Variants in BTBD9 observed in about 807,000 individuals in gnomAD.
The protein encoded by BTBD9 is BTB domain containing 9, also known as BTB/POZ domain-containing protein 9.
A neutral mutation model predicts 64.3 loss-of-function variants in BTBD9; 49 were observed. The ratio of observed to expected loss-of-function variants is 0.76; its 90% confidence interval spans 0.61 to 0.97. The LOEUF (loss-of-function observed/expected upper bound fraction) is 0.97, where lower values mean the gene tolerates loss of function less well. Among genes scored for constraint, BTBD9 ranks in the 50% least tolerant of loss-of-function variants. The probability of loss-of-function intolerance (pLI) is 0.00; values close to 1 mark genes in which losing one functional copy is unlikely to be tolerated. For synonymous variants in BTBD9, 260 were observed against 274.7 expected (o/e 0.95, Z 0.53); for missense variants, 598 against 762.1 (o/e 0.78, Z 2.53).
intron 6 of BTBD9, among the ~76,000 whole-genome samples, chr6:38,519,460 A>G (rs557525614): frequency 1.3e-5 from 2 of 152,366 alleles, no homozygotes; most frequent in South Asian, 4.1e-4. Flanking sequence ...GCTGATAGAT[A>G]TGTGACACAG....
At chr6:38,459,958 T>C (rs756048099) in intron 6 of BTBD9, among the ~76,000 whole-genome samples, 4 of 152,222 alleles carry the variant, frequency 2.6e-5, no homozygotes, top group Admixed American at 1.3e-4. Context: ...AGTTTTAGCT[T>C]TGTATTATTT....
intron 7 of BTBD9, among the ~76,000 whole-genome samples, chr6:38,325,005 G>C (rs1307590716): frequency 6.6e-6 from 1 of 152,120 alleles, no homozygotes; most frequent in Non-Finnish European, 1.5e-5. Context: ...AAATTGCTTA[G>C]AACAGTGATG....
At chr6:38,391,789 G>A (rs559869400) in intron 6 of BTBD9, among the ~76,000 whole-genome samples, 98 of 152,266 alleles carry the variant, frequency 6.4e-4, no homozygotes, top group African/African-American at 1.8e-3. Context: ...GAAGTAAAGC[G>A]AAAAGGCAGG....
chr6:38,341,080 C>A (rs535564326), intron 7 of BTBD9, among the ~76,000 whole-genome samples: 1 of 152,128 alleles, frequency 6.6e-6, no homozygotes, highest in South Asian at 2.1e-4. Flanking sequence ...GAAAAACAGA[C>A]AAAGATAGAC....
intron 8 of BTBD9, among the ~76,000 whole-genome samples, chr6:38,266,636 AAGAAAGAAAGAAAGAAAGAAAG>A (rs1765002829): frequency 8.6e-6 from 1 of 116,824 alleles, no homozygotes; most frequent in African/African-American, 4.1e-5. Flanking sequence ...GAAAGAAAGA[AAGAAAGAAAGAAAGAAAGAAAG>A]AAAGAAAGAA....
At chr6:38,205,820 G>A (rs900090495) in intron 9 of BTBD9, among the ~76,000 whole-genome samples, 7 of 136,410 alleles carry the variant, frequency 5.1e-5, no homozygotes, top group African/African-American at 1.9e-4. Context: ...AGAGGCGGAG[G>A]TTGCAGTGAG....
In BTBD9 at chr6:38,171,597, TGTGTGTGAGA is replaced by T. The variant is rs1298024338; in HGVS notation, c.*3378_*3387del. 10 of 67,326 alleles carry T rather than the reference TGTGTGTGAGA, an allele frequency of 1.5e-4. No individual in the cohort carries two copies. Among genetic ancestry groups the T allele is most frequent in the African/African-American group, 6.0e-4 (10 of 16,628 alleles). 4.2% of individuals were successfully genotyped at this position (67,326 alleles called of 1,614,324 possible). ...GTGTGTGTGTGTGTGTGTGTGTGTGTGTGTGTGAGAGGGAGAGACGGTGGGGGCGGGGGGT... is the reference window on the plus strand; with the variant it reads ...GTGTGTGTGTGTGTGTGTGTGTGTGTGGGAGAGACGGTGGGGGCGGGGGGT... On this transcript the variant is annotated 3_prime_UTR_variant, in exon 11 of 11. Coordinates refer to ENST00000481247, the MANE Select transcript of BTBD9 (RefSeq NM_001099272.2).
chr6:38,561,103 T>C (rs1455946399), intron 6 of BTBD9, among the ~76,000 whole-genome samples: 2 of 152,182 alleles, frequency 1.3e-5, no homozygotes, highest in Non-Finnish European at 2.9e-5. Context: ...TACTCAGTAA[T>C]GGGATTGCTG....
intron 1 of BTBD9, among the ~76,000 whole-genome samples, chr6:38,626,835 A>T (rs1778185194): frequency 6.6e-6 from 1 of 152,198 alleles, no homozygotes; most frequent in Admixed American, 6.5e-5. Flanking sequence ...CTAAAGAAGC[A>T]CTGACCACAA....
chr6:38,512,621 C>T, intron 6 of BTBD9, among the ~76,000 whole-genome samples: 1 of 152,126 alleles, frequency 6.6e-6, no homozygotes, highest in African/African-American at 2.4e-5. Flanking sequence ...AACCATTTTG[C>T]CCACCCTTTC....
At chr6:38,386,795 C>T (rs1278906757) in intron 6 of BTBD9, among the ~76,000 whole-genome samples, 1 of 151,894 alleles carries the variant, frequency 6.6e-6, no homozygotes, top group Non-Finnish European at 1.5e-5. Flanking sequence ...GGTGTATGCA[C>T]AACATCCAGC....
At chr6:38,288,722 A>G (rs1412396357) in intron 7 of BTBD9, among the ~76,000 whole-genome samples, 1 of 152,054 alleles carries the variant, frequency 6.6e-6, no homozygotes, top group African/African-American at 2.4e-5. Flanking sequence ...ACTTGAGGTC[A>G]GGAGTTTGAG....
chr6:38,482,595 T>C (rs1030818463), intron 6 of BTBD9: 2 of 152,202 alleles, frequency 1.3e-5, no homozygotes, highest in Non-Finnish European at 2.9e-5. Context: ...TCCTTTCTAC[T>C]GATGTAGCTG....
chr6:38,211,797 G>A (rs182739641), intron 9 of BTBD9, among the ~76,000 whole-genome samples: 3 of 152,262 alleles, frequency 2.0e-5, no homozygotes, highest in African/African-American at 7.2e-5. Context: ...GGAATATGGG[G>A]CTATATTTGT....
chr6:38,213,885 G>C (rs1158657359), intron 9 of BTBD9, among the ~76,000 whole-genome samples: 1 of 151,894 alleles, frequency 6.6e-6, no homozygotes, highest in African/African-American at 2.4e-5. Context: ...GGCTGGGACT[G>C]AGCTGGAGGC....
intron 6 of BTBD9, among the ~76,000 whole-genome samples, chr6:38,368,713 T>A (rs941737408): frequency 6.6e-6 from 1 of 152,136 alleles, no homozygotes; most frequent in African/African-American, 2.4e-5. Flanking sequence ...GTCCAAAATA[T>A]GTACAAAATT....
At chr6:38,633,979 T>C (rs1207194521) in intron 1 of BTBD9, among the ~76,000 whole-genome samples, 1 of 152,194 alleles carries the variant, frequency 6.6e-6, no homozygotes, top group African/African-American at 2.4e-5. Flanking sequence ...TGCACATTCC[T>C]TTCCCCAAGT....
At chr6:38,374,296 T>TATATACATATATATATATATATATATAC (rs1491482634) in intron 6 of BTBD9, among the ~76,000 whole-genome samples, 12 of 70,648 alleles carry the variant, frequency 1.7e-4, no homozygotes, top group South Asian at 5.5e-4. Context: ...TATATATATA[T>TATATACATATATATATATATATATATAC]GTATATATAT....
At chr6:38,379,691 A>G (rs1051907388) in intron 6 of BTBD9, among the ~76,000 whole-genome samples, 9 of 152,242 alleles carry the variant, frequency 5.9e-5, no homozygotes, top group African/African-American at 2.4e-5. Flanking sequence ...AAGATTATCA[A>G]TAAGTATTAA....
Sources: gnomAD v4.1 joint callset for allele counts (sites outside exome capture counted in the v4.1 genomes callset) on GRCh38, gnomAD v4.1.1 for gene constraint, MANE v1.5 for transcripts, NCBI Gene and HGNC (gene_info 2026-07-23, HGNC 2026-07-21) for gene names.